Variants in OIT3 observed in about 807,000 individuals in gnomAD.
The protein encoded by OIT3 is oncoprotein induced transcript 3, also known as oncoprotein-induced transcript 3 protein.
Under a neutral mutation model 52.2 loss-of-function variants are expected in OIT3, and 41 were observed. The observed-to-expected ratio is 0.79, with a 90% CI of 0.61 to 1.02. The LOEUF is 1.02. Among genes scored for constraint, OIT3 ranks in the 50% least tolerant of loss-of-function variants. The pLI, the probability that OIT3 is intolerant of heterozygous loss-of-function variation, is 0.00. For missense variants in OIT3, 634 were observed against 715.5 expected (o/e 0.89, Z 1.30); for synonymous variants, 244 against 276.9 (o/e 0.88, Z 1.18).
At chr10:72,922,661 A>G (rs898444342) in intron 6 of OIT3, among the ~76,000 whole-genome samples, 6 of 151,968 alleles carry the variant, frequency 3.9e-5, no homozygotes, top group African/African-American at 1.4e-4. Context: ...GTTTTTATCC[A>G]CATTCTGAGA....
At position 72,893,934 on chromosome 10, in the gene OIT3, G is replaced by C. The variant is rs548305617; in HGVS notation, c.61+75G>C. 4 of 1,016,934 alleles carry C rather than the reference G, an allele frequency of 3.9e-6. No individual in the cohort carries two copies. In the African/African-American group the frequency reaches 6.5e-5, roughly 17 times the overall value. 63.0% of individuals were successfully genotyped at this position (1,016,934 alleles called of 1,614,324 possible). ...TTTGCTATAATGTACAGATGATTAA[G>C]AACTAGATTCCAGTACCTTAAATGC... On this transcript the variant is annotated intron_variant, in intron 1 of 8. Transcript: ENST00000334011.
At chr10:72,909,910 G>A (rs928090120) in intron 4 of OIT3, among the ~76,000 whole-genome samples, 1 of 152,020 alleles carries the variant, frequency 6.6e-6, no homozygotes, top group South Asian at 2.1e-4. Flanking sequence ...CCTCCCAAAG[G>A]GCTGGGATTA....
rs1846208303 is a variant in OIT3, at chr10:72,930,640, G to C, written c.1467+3G>C. On this transcript the variant is annotated splice_donor_region_variant and intron_variant, in intron 8 of 8. Coordinates refer to ENST00000334011, the MANE Select transcript of OIT3 (RefSeq NM_152635.3). Reference sequence around the variant, plus strand: ...AGTTTGTGGGCAAAGACCACAAGGTGAGTTGAACATCTTTAATTTATAACC... The same window carrying C: ...AGTTTGTGGGCAAAGACCACAAGGTCAGTTGAACATCTTTAATTTATAACC... 2.0e-6 allele frequency: 3 copies of C among 1,470,888 alleles called. No individual in the cohort carries two copies. The highest frequency in any genetic ancestry group is 2.8e-6 in the Non-Finnish European group (3 of 1,054,788). 91.1% of individuals were successfully genotyped at this position (1,470,888 alleles called of 1,614,324 possible). A position where few individuals can be genotyped will look rare whatever the true frequency, so the allele number is the denominator to read the frequency against.
At chr10:72,929,224 A>G (rs1214550695) in intron 7 of OIT3, among the ~76,000 whole-genome samples, 1 of 150,804 alleles carries the variant, frequency 6.6e-6, no homozygotes, top group Non-Finnish European at 1.5e-5. Context: ...AAAAAGAAGA[A>G]AAGAAAAGAA....
intron 6 of OIT3, among the ~76,000 whole-genome samples, chr10:72,923,246 C>G (rs912505375): frequency 2.6e-5 from 4 of 152,344 alleles, no homozygotes; most frequent in Middle Eastern, 3.4e-3. Flanking sequence ...GGCATCTGCT[C>G]CAGTCCCTAG....
intron 6 of OIT3, among the ~76,000 whole-genome samples, chr10:72,919,660 G>C (rs1846105268): frequency 6.6e-6 from 1 of 152,054 alleles, no homozygotes; most frequent in African/African-American, 2.4e-5. Context: ...AACATGAAAG[G>C]ATGCCAAAAT....
chr10:72,900,244 C>T, intron 2 of OIT3, 133 bp from the exon 3 acceptor site: 1 of 604,830 alleles, frequency 1.7e-6, no homozygotes, highest in Admixed American at 2.8e-5. Flanking sequence ...ATTGCTTGAG[C>T]CCAGGGGTTC....
intron 3 of OIT3, among the ~76,000 whole-genome samples, chr10:72,901,559 A>T (rs1337321990): frequency 2.6e-5 from 4 of 152,156 alleles, no homozygotes; most frequent in African/African-American, 9.7e-5. Flanking sequence ...ACAGGTCAGG[A>T]TTGAGGTAGG....
chr10:72,931,581 C>T (rs560253102), intron 8 of OIT3, among the ~76,000 whole-genome samples: 2 of 152,128 alleles, frequency 1.3e-5, no homozygotes, highest in East Asian at 3.9e-4. Flanking sequence ...AGAAAAAGCC[C>T]CAAACAAGCA....
chr10:72,899,758 TGATA>T (rs1176462344), intron 2 of OIT3, among the ~76,000 whole-genome samples: 1 of 136,696 alleles, frequency 7.3e-6, no homozygotes. Context: ...GATAGATAGA[TGATA>T]GATAGATAAT....
intron 6 of OIT3, among the ~76,000 whole-genome samples, chr10:72,915,859 G>A (rs1391659932): frequency 6.6e-6 from 1 of 152,196 alleles, no homozygotes; most frequent in Non-Finnish European, 1.5e-5. Flanking sequence ...TGCACATTCT[G>A]TGAATAACCT....
At chr10:72,897,074 A>G (rs1845881050) in intron 1 of OIT3, among the ~76,000 whole-genome samples, 1 of 152,140 alleles carries the variant, frequency 6.6e-6, no homozygotes, top group Admixed American at 6.5e-5. Context: ...CCCAGGCTGG[A>G]ATGCAATGGT....
intron 8 of OIT3, among the ~76,000 whole-genome samples, chr10:72,930,867 T>G (rs1408495600): frequency 6.6e-6 from 1 of 152,064 alleles, no homozygotes; most frequent in Non-Finnish European, 1.5e-5. Flanking sequence ...CCAAAATAAC[T>G]GTGCTGTTCA....
chr10:72,922,838 G>C (rs1420236665), intron 6 of OIT3, among the ~76,000 whole-genome samples: 2 of 152,030 alleles, frequency 1.3e-5, no homozygotes, highest in African/African-American at 2.4e-5. Context: ...TTCAAACTTT[G>C]ATGTTGCTGA....
At chr10:72,917,929 C>T in intron 6 of OIT3, 8 of 1,052,344 alleles carry the variant, frequency 7.6e-6, no homozygotes, top group Non-Finnish European at 1.2e-5. Flanking sequence ...GCTGGAGTAT[C>T]TTGTATAGAT....
chr10:72,893,939 A>G (rs1386586734), intron 1 of OIT3, 80 bp downstream of exon 1: 1 of 913,754 alleles, frequency 1.1e-6, no homozygotes, highest in Non-Finnish European at 1.7e-6. Context: ...ATTAAGAACT[A>G]GATTCCAGTA....
chr10:72,905,567 C>T (rs931481023), intron 3 of OIT3, among the ~76,000 whole-genome samples: 2 of 152,154 alleles, frequency 1.3e-5, no homozygotes, highest in Non-Finnish European at 2.9e-5. Context: ...TTTTCAAATG[C>T]TCCTGTCAGC....
chr10:72,911,668 G>C, intron 4 of OIT3, 49 bp from the exon 5 acceptor site: 1 of 1,586,642 alleles, frequency 6.3e-7, no homozygotes, highest in Non-Finnish European at 8.6e-7. Flanking sequence ...AGAATTCTTG[G>C]GGTAGAGGGT....
chr10:72,929,743 A>AT (rs1458324418), intron 7 of OIT3, among the ~76,000 whole-genome samples: 4 of 151,962 alleles, frequency 2.6e-5, no homozygotes, highest in Admixed American at 6.6e-5. Flanking sequence ...GGTTTTCACC[A>AT]TGTTGGCCAG....
Sources: allele counts gnomAD v4.1 joint callset (sites outside exome capture counted in the v4.1 genomes callset), GRCh38; gene constraint gnomAD v4.1.1; transcripts MANE v1.5; gene names NCBI Gene and HGNC (gene_info 2026-07-23, HGNC 2026-07-21).